The following LAS1L variants were observed in gnomAD, a reference collection of about 807,000 sequenced individuals.
The protein encoded by LAS1L is ribosomal biogenesis protein LAS1L.
Under a neutral mutation model 57.3 loss-of-function variants are expected in LAS1L, and 5 were observed. The observed-to-expected ratio is 0.09, with a 90% CI of 0.05 to 0.18. The LOEUF is 0.18. Ranked by LOEUF, LAS1L falls within the 10% of genes least tolerant of loss-of-function variation. LAS1L has a pLI of 1.00. For synonymous variants in LAS1L, 245 were observed against 231.7 expected, an observed-to-expected ratio of 1.06 and a Z score of -0.52; for missense variants, 360 against 568.3, an observed-to-expected ratio of 0.63 and a Z score of 3.73.
chrX:65,519,146 CT>C (rs1024454337), intron 11 of LAS1L, among the ~76,000 whole-genome samples: 3 of 111,835 alleles, frequency 2.7e-5, no homozygotes, highest in African/African-American at 6.5e-5. Context: ...CAAGGGAGGG[CT>C]TTGTGCAGGA....
At chrX:65,525,285 G>C (rs1229068556) in intron 7 of LAS1L, among the ~76,000 whole-genome samples, 3 of 111,933 alleles carry the variant, frequency 2.7e-5, no homozygotes, top group South Asian at 7.4e-4. Context: ...TTTTGAACAA[G>C]TGCTTACCAA....
At chrX:65,523,922 G>T in intron 10 of LAS1L, 134 bp downstream of exon 10, 1 of 727,381 alleles carries the variant, frequency 1.4e-6, no homozygotes, top group Non-Finnish European at 2.0e-6. Context: ...CTGCCGTGGG[G>T]CCCTCTTGGG....
chrX:65,512,971 G>A, intron 13 of LAS1L, 70 bp from the exon 14 acceptor site: 2 of 1,027,139 alleles, frequency 1.9e-6, no homozygotes, highest in South Asian at 5.0e-5. Flanking sequence ...AAGAGTGCTT[G>A]ACATGTGTGT....
intron 13 of LAS1L, among the ~76,000 whole-genome samples, chrX:65,514,100 G>A (rs950895571): frequency 1.8e-5 from 2 of 112,159 alleles, no homozygotes. Context: ...AGTTTCAGGG[G>A]CCCGCAGGGG....
intron 2 of LAS1L, among the ~76,000 whole-genome samples, chrX:65,533,324 C>T (rs774479551): frequency 9.1e-6 from 1 of 110,212 alleles, no homozygotes; most frequent in South Asian, 4.1e-4. Flanking sequence ...TATCAGACCA[C>T]CAAGAGACCC....
At chrX:65,518,602 A>G in intron 11 of LAS1L, 137 bp from the exon 12 acceptor site, 1 of 972,011 alleles carries the variant, frequency 1.0e-6, no homozygotes, top group Non-Finnish European at 1.4e-6. Flanking sequence ...CAGACAGAAC[A>G]TAGAAACAAC....
chrX:65,521,503 ACAG>A (rs1943588715), intron 11 of LAS1L: 1 of 114,693 alleles, frequency 8.7e-6, no homozygotes, highest in African/African-American at 3.2e-5. Flanking sequence ...AGTCAACAGG[ACAG>A]GGTAGATGGT....
At chrX:65,533,850 G>A (rs2069636984) in intron 1 of LAS1L, 115 bp from the exon 2 acceptor site, 1 of 789,888 alleles carries the variant, frequency 1.3e-6, no homozygotes, top group Non-Finnish European at 1.8e-6. Context: ...AAGAGAGCAT[G>A]AACAGACACA....
chrX:65,515,242 T>C (rs2068587805), intron 12 of LAS1L, among the ~76,000 whole-genome samples: 1 of 111,714 alleles, frequency 9.0e-6, no homozygotes. Context: ...CTTTGCTCTT[T>C]TCCTACTTCC....
intron 4 of LAS1L, among the ~76,000 whole-genome samples, chrX:65,530,813 C>CAA (rs754023056): frequency 4.8e-5 from 2 of 42,100 alleles, no homozygotes; most frequent in East Asian, 8.3e-4. Flanking sequence ...GACTCTGTCT[C>CAA]AAAAAAAAAA....
At chrX:65,521,313 C>T (rs1333568450) in intron 11 of LAS1L, 8 of 750,096 alleles carry the variant, frequency 1.1e-5, no homozygotes, top group South Asian at 6.8e-5. Flanking sequence ...GAGCAGAGCA[C>T]GGTTCAATTC....
intron 13 of LAS1L, among the ~76,000 whole-genome samples, chrX:65,513,635 C>T (rs1461926571): frequency 8.9e-6 from 1 of 112,512 alleles, no homozygotes; most frequent in Non-Finnish European, 1.9e-5. Flanking sequence ...CCCAAGGCCA[C>T]ATAGCCAAGT....
chrX:65,518,915 A>G (rs761266891), intron 11 of LAS1L: 1 of 752,394 alleles, frequency 1.3e-6, no homozygotes, highest in Non-Finnish European at 1.6e-6. Flanking sequence ...AGCTCCAAGG[A>G]TATGCCTGGA....
chrX:65,521,589 A>G (rs1037280093), intron 11 of LAS1L: 10 of 112,155 alleles, frequency 8.9e-5, no homozygotes, highest in African/African-American at 2.9e-4. Flanking sequence ...GAGACGACCA[A>G]TTCTCTTTTG....
At chrX:65,532,946 A>C (rs778131298) in intron 2 of LAS1L, among the ~76,000 whole-genome samples, 49 of 112,598 alleles carry the variant, frequency 4.4e-4, no homozygotes, top group Middle Eastern at 4.6e-3. Context: ...AAAGGACTAC[A>C]TCAGATAATG....
intron 11 of LAS1L, 47 bp downstream of exon 11, chrX:65,523,513 G>T (rs769870146): frequency 9.1e-5 from 102 of 1,118,281 alleles, no homozygotes; most frequent in African/African-American, 5.5e-5. Context: ...TGGCCCTGAG[G>T]CTTGAAGGGC....
At chrX:65,517,717 A>G (rs913006561) in intron 12 of LAS1L, among the ~76,000 whole-genome samples, 1 of 112,352 alleles carries the variant, frequency 8.9e-6, no homozygotes, top group Non-Finnish European at 1.9e-5. Context: ...TTCTGCCTCT[A>G]TGTTACTGCC....
At chrX:65,533,269 T>C (rs1430008533) in intron 2 of LAS1L, among the ~76,000 whole-genome samples, 1 of 109,106 alleles carries the variant, frequency 9.2e-6, no homozygotes, top group Non-Finnish European at 1.9e-5. Context: ...CCCTGAGCCA[T>C]TCAGACAAGT....
rs749511994 is a variant in LAS1L at position 65,529,578 on chromosome X, C to G, written c.799+16G>C. ...TCTGGGCTCATGGGCCGCTTTCTGC[C>G]CTCCAAAACACCTACCATATAGCTC... On this transcript the variant is annotated intron_variant, in intron 5 of 13. Coordinates refer to ENST00000374811, the MANE Select transcript of LAS1L (RefSeq NM_031206.7). 3.3e-6 allele frequency: 4 copies of G among 1,204,061 alleles called. No homozygotes were observed. The highest frequency in any genetic ancestry group is 3.4e-6 in the Non-Finnish European group (3 of 890,974).
Sources: allele counts gnomAD v4.1 joint callset (sites outside exome capture counted in the v4.1 genomes callset), GRCh38; gene constraint gnomAD v4.1.1; transcripts MANE v1.5; gene names NCBI Gene and HGNC (gene_info 2026-07-23, HGNC 2026-07-21).